Variants in PTPRK observed in about 807,000 individuals in gnomAD.
The protein encoded by PTPRK is protein tyrosine phosphatase receptor type K.
In PTPRK, 75 loss-of-function variants were observed where a neutral mutation model predicts 178.0. The ratio of observed to expected loss-of-function variants is 0.42; its 90% CI spans 0.35 to 0.51. The LOEUF (loss-of-function observed/expected upper bound fraction) is 0.51. Among genes scored for constraint, PTPRK ranks in the 20% least tolerant of loss-of-function variants. PTPRK has a pLI of 0.02. For missense variants in PTPRK, 1,441 were observed against 1,797.8 expected, an observed-to-expected ratio of 0.80 and a Z score of 3.59; for synonymous variants, 637 against 620.6, an observed-to-expected ratio of 1.03 and a Z score of -0.39.
intron 7 of PTPRK, among the ~76,000 whole-genome samples, chr6:128,170,953 T>C (rs1452063029): frequency 6.6e-6 from 1 of 151,092 alleles, no homozygotes; most frequent in Non-Finnish European, 1.5e-5. Context: ...TGCATATGGA[T>C]ACACGTGCAA....
chr6:128,109,910 G>GC (rs1255270210), intron 7 of PTPRK, among the ~76,000 whole-genome samples: 4 of 151,760 alleles, frequency 2.6e-5, no homozygotes, highest in South Asian at 2.1e-4. Context: ...TACTTTTTTG[G>GC]GGGGGGAGGA....
At chr6:128,181,835 T>C (rs1314794100) in intron 7 of PTPRK, among the ~76,000 whole-genome samples, 2 of 152,154 alleles carry the variant, frequency 1.3e-5, no homozygotes, top group Non-Finnish European at 2.9e-5. Flanking sequence ...ACTCTGTATT[T>C]AATTATACTA....
At chr6:128,124,121 G>T (rs1369546967) in intron 7 of PTPRK, among the ~76,000 whole-genome samples, 1 of 150,306 alleles carries the variant, frequency 6.7e-6, no homozygotes, top group Non-Finnish European at 1.5e-5. Flanking sequence ...TCAGCTCACT[G>T]CAACCTCCGC....
intron 1 of PTPRK, among the ~76,000 whole-genome samples, chr6:128,413,756 T>C (rs981345743): frequency 6.6e-6 from 1 of 152,188 alleles, no homozygotes; most frequent in African/African-American, 2.4e-5. Context: ...TAGTAAGAAG[T>C]CCACGGGTGT....
intron 8 of PTPRK, among the ~76,000 whole-genome samples, chr6:128,087,238 A>C (rs764388945): frequency 6.6e-6 from 1 of 152,136 alleles, no homozygotes; most frequent in Non-Finnish European, 1.5e-5. Flanking sequence ...AAATACCATC[A>C]AAATGAATTC....
intron 28 of PTPRK, 83 bp downstream of exon 28, chr6:127,973,581 G>A: frequency 2.0e-6 from 3 of 1,515,172 alleles, no homozygotes; most frequent in South Asian, 2.5e-5. Flanking sequence ...TCCATAAGAT[G>A]CAAGCCAGAT....
Position 127,991,328 on chromosome 6 carries a change from A to G in PTPRK, c.2945T>C (p.Ile982Thr). The change falls in exon 20 of 30, where the codon ATT becomes ACT. Residue 982 changes from isoleucine (I) to threonine (T), a missense_variant. By Grantham distance (89) the Ile-to-Thr change is moderately conservative. This residue lies in a region of PTPRK where 945 missense variants were observed against 1,080.6 expected (regional missense o/e 0.87). Transcript: ENST00000368226. ...RMIWQEQSAC[I>T]VMVTNLVEVG... is the part of the protein sequence containing the mutation. ...CTCAACTAAATTTGTAACCATCACA[A>G]TGCAAGCAGATTGTTCTTGCCAAAT... 1.2e-6 allele frequency: 2 copies of G among 1,601,276 alleles called. No homozygotes were observed. The highest frequency in any genetic ancestry group is 1.7e-6 in the Non-Finnish European group (2 of 1,174,092).
At chr6:128,170,446 T>G (rs533263084) in intron 7 of PTPRK, among the ~76,000 whole-genome samples, 41 of 152,114 alleles carry the variant, frequency 2.7e-4, no homozygotes, top group African/African-American at 9.9e-4. Context: ...CTTTATAATC[T>G]TATTTGGGGG....
At chr6:128,009,599 G>C (rs749017691) in intron 13 of PTPRK, among the ~76,000 whole-genome samples, 9 of 151,172 alleles carry the variant, frequency 6.0e-5, no homozygotes, top group Non-Finnish European at 1.3e-4. Context: ...GAAAGAGATG[G>C]GGTCAGATTT....
chr6:128,149,427 G>A (rs898295103), intron 7 of PTPRK, among the ~76,000 whole-genome samples: 2 of 152,150 alleles, frequency 1.3e-5, no homozygotes, highest in South Asian at 2.1e-4. Flanking sequence ...AGATTTGTCT[G>A]ACTTAAAAAT....
At chr6:128,027,953 T>C (rs541608523) in intron 13 of PTPRK, 1 of 152,290 alleles carries the variant, frequency 6.6e-6, no homozygotes, top group East Asian at 1.9e-4. Flanking sequence ...TAGTCTATAT[T>C]GCAGCCACTC....
intron 18 of PTPRK, 113 bp downstream of exon 18, chr6:127,995,349 C>T (rs900203386): frequency 1.8e-5 from 28 of 1,535,658 alleles, no homozygotes; most frequent in Non-Finnish European, 2.3e-5. Flanking sequence ...GAAAAGTGTA[C>T]AGTTTGTACT....
At chr6:128,378,829 T>G (rs1188360674) in intron 2 of PTPRK, among the ~76,000 whole-genome samples, 1 of 152,130 alleles carries the variant, frequency 6.6e-6, no homozygotes, top group African/African-American at 2.4e-5. Flanking sequence ...TTTTCACCTA[T>G]GCATAAATAT....
intron 5 of PTPRK, among the ~76,000 whole-genome samples, chr6:128,234,562 A>G (rs919520108): frequency 1.3e-5 from 2 of 152,188 alleles, no homozygotes; most frequent in African/African-American, 4.8e-5. Context: ...ACTTAATGTA[A>G]ATGAAATTAT....
intron 7 of PTPRK, among the ~76,000 whole-genome samples, chr6:128,131,527 T>C (rs978598423): frequency 6.6e-6 from 1 of 152,150 alleles, no homozygotes; most frequent in African/African-American, 2.4e-5. Flanking sequence ...CTTTTCTGTT[T>C]CCAGGCATCT....
In PTPRK at chr6:128,177,237, C is replaced by A. The variant is rs569786256; in HGVS notation, c.1162+7195G>T. Among the ~76,000 whole-genome samples the A allele has an allele frequency of 4.6e-5, 7 of 151,780 alleles. No homozygotes were observed. The East Asian group carries it at 9.7e-4, about 21-fold the overall frequency. The stretch of plus-strand genomic sequence containing the variant: ...ATTCTATCTAGGTCATTTTCTTCAT[C>A]ATATACTCCTGGTGTTATCATCATT... On this transcript the variant is annotated intron_variant, in intron 7 of 29. Coordinates refer to ENST00000368226, the MANE Select transcript of PTPRK (RefSeq NM_002844.4).
At chr6:128,297,041 A>C (rs1201465137) in intron 3 of PTPRK, among the ~76,000 whole-genome samples, 11 of 151,678 alleles carry the variant, frequency 7.3e-5, no homozygotes, top group South Asian at 4.2e-4. Context: ...TCTACCAAGC[A>C]AATGGAAAAC....
intron 25 of PTPRK, 70 bp downstream of exon 25, chr6:127,981,046 T>C: frequency 7.5e-7 from 1 of 1,341,728 alleles, no homozygotes. Context: ...AAAAGAAAAC[T>C]AGCCAGTGTT....
chr6:128,505,104 C>CTTTTTTTT (rs1491132852), intron 1 of PTPRK, among the ~76,000 whole-genome samples: 1 of 142,832 alleles, frequency 7.0e-6, no homozygotes, highest in African/African-American at 2.6e-5. Context: ...AAGAAATTTA[C>CTTTTTTTT]TTGTTTTTTT....
Sources: allele counts gnomAD v4.1 joint callset (sites outside exome capture counted in the v4.1 genomes callset), GRCh38; gene constraint gnomAD v4.1.1; regional missense constraint gnomAD v4.1.1; transcripts MANE v1.5; gene names NCBI Gene and HGNC (gene_info 2026-07-23, HGNC 2026-07-21).